The following RBFOX1 variants were observed in gnomAD, a reference collection of about 807,000 sequenced individuals.
RBFOX1 encodes the protein RNA binding fox-1 homolog 1, also known as RNA binding protein fox-1 homolog 1.
RBFOX1 carries 8 observed loss-of-function variants against 57.7 expected under a neutral mutation model. That is an observed-to-expected ratio of 0.14 (90% CI 0.08 to 0.25). The LOEUF (loss-of-function observed/expected upper bound fraction) is 0.25. Ranked by LOEUF, RBFOX1 falls within the 10% of genes least tolerant of loss-of-function variation. RBFOX1 has a pLI of 1.00. For missense variants in RBFOX1, 611 were observed against 548.5 expected, an observed-to-expected ratio of 1.11 and a Z score of -1.14; for synonymous variants, 326 against 222.4, an observed-to-expected ratio of 1.47 and a Z score of -4.15.
chr16:5,387,820 G>A (rs1158825505), intron 1 of RBFOX1, among the ~76,000 whole-genome samples: 3 of 152,196 alleles, frequency 2.0e-5, no homozygotes, highest in Non-Finnish European at 4.4e-5. Flanking sequence ...CTGACCTTGA[G>A]ATAGGAAGAG....
intron 3 of RBFOX1, among the ~76,000 whole-genome samples, chr16:6,871,756 G>A (rs959671586): frequency 6.6e-6 from 1 of 152,118 alleles, no homozygotes; most frequent in Non-Finnish European, 1.5e-5. Flanking sequence ...CATTCTTGCT[G>A]AAATTTCTAC....
intron 3 of RBFOX1, among the ~76,000 whole-genome samples, chr16:7,017,721 C>G (rs150379322): frequency 3.3e-5 from 5 of 152,210 alleles, no homozygotes; most frequent in East Asian, 3.9e-4. Flanking sequence ...TTTCTCTTCA[C>G]GTTTTCACAA....
chr16:7,287,151 A>T (rs910276276), intron 4 of RBFOX1, among the ~76,000 whole-genome samples: 1 of 152,214 alleles, frequency 6.6e-6, no homozygotes, highest in African/African-American at 2.4e-5. Context: ...TACTTAATAG[A>T]GAGAGAAGAT....
rs116129591 is a variant in RBFOX1, at chr16:5,478,827, A to T, written c.258+11573A>T. On this transcript the variant is annotated intron_variant, in intron 2 of 2. Transcript: ENST00000585867. ...AGAGAAGAGGGCATTTATAGGCCCT[A>T]CTCCCTCCCATGGGCTGCTATATTC... Among the ~76,000 whole-genome samples the T allele has an allele frequency of 8.9e-3, 1,345 of 151,868 alleles. 13 individuals carry two copies. Among genetic ancestry groups the T allele is most frequent in the African/African-American group, 0.028 (1,161 of 41,388 alleles).
At chr16:7,413,006 C>T (rs1244074296) in intron 4 of RBFOX1, among the ~76,000 whole-genome samples, 6 of 152,156 alleles carry the variant, frequency 3.9e-5, no homozygotes, top group African/African-American at 1.4e-4. Flanking sequence ...CACGCCACTG[C>T]ACTCCAGCCC....
chr16:7,011,100 A>C (rs2093633196), intron 3 of RBFOX1, among the ~76,000 whole-genome samples: 2 of 151,152 alleles, frequency 1.3e-5, no homozygotes, highest in African/African-American at 4.9e-5. Context: ...GGAAAGGGTC[A>C]CTGAAAGAAG....
intron 4 of RBFOX1, among the ~76,000 whole-genome samples, chr16:7,327,253 G>A (rs1221060070): frequency 6.6e-6 from 1 of 152,188 alleles, no homozygotes; most frequent in Admixed American, 6.5e-5. Context: ...AAGTTTAAAT[G>A]GAAAAGTGGA....
intron 1 of RBFOX1, among the ~76,000 whole-genome samples, chr16:6,176,658 A>G (rs191150421): frequency 5.0e-4 from 76 of 150,810 alleles, no homozygotes; most frequent in Middle Eastern, 3.4e-3. Flanking sequence ...TATGAGTATT[A>G]TTGTTATTAT....
intron 1 of RBFOX1, among the ~76,000 whole-genome samples, chr16:6,139,521 G>C (rs963064559): frequency 4.6e-5 from 7 of 152,070 alleles, no homozygotes; most frequent in Non-Finnish European, 7.4e-5. Flanking sequence ...CTATTACCCT[G>C]CTCAATCCCA....
chr16:5,964,295 T>C (rs1419128870), intron 4 of RBFOX1, among the ~76,000 whole-genome samples: 1 of 152,152 alleles, frequency 6.6e-6, no homozygotes, highest in Non-Finnish European at 1.5e-5. Context: ...CACTTGTTGG[T>C]GGGAATGTAA....
At chr16:6,603,039 T>C (rs527966308) in intron 2 of RBFOX1, among the ~76,000 whole-genome samples, 2 of 152,334 alleles carry the variant, frequency 1.3e-5, no homozygotes, top group East Asian at 1.9e-4. Flanking sequence ...TCAGTAAGTA[T>C]TTACTGTCAT....
intron 3 of RBFOX1, among the ~76,000 whole-genome samples, chr16:6,789,358 C>A (rs960811009): frequency 6.6e-6 from 1 of 151,960 alleles, no homozygotes; most frequent in African/African-American, 2.4e-5. Flanking sequence ...GAGATGTATT[C>A]CAGAATGTTA....
chr16:5,575,330 G>C (rs1378143007), intron 2 of RBFOX1, among the ~76,000 whole-genome samples: 1 of 152,002 alleles, frequency 6.6e-6, no homozygotes, highest in Non-Finnish European at 1.5e-5. Flanking sequence ...ATCTTCATTA[G>C]CGTCATCATC....
At chr16:5,906,666 G>A (rs1319788643) in intron 4 of RBFOX1, among the ~76,000 whole-genome samples, 2 of 151,478 alleles carry the variant, frequency 1.3e-5, no homozygotes. Context: ...CAGAGGGTTG[G>A]CTGCTGAGTG....
chr16:7,616,456 C>T (rs1357260103), intron 10 of RBFOX1, among the ~76,000 whole-genome samples: 4 of 152,238 alleles, frequency 2.6e-5, no homozygotes, highest in Non-Finnish European at 2.9e-5. Context: ...CAAACCTCAG[C>T]CCATGCTATG....
intron 5 of RBFOX1, among the ~76,000 whole-genome samples, chr16:7,523,942 C>T (rs771102031): frequency 4.6e-5 from 7 of 152,140 alleles, no homozygotes; most frequent in Non-Finnish European, 7.3e-5. Context: ...TCCTGTGGAA[C>T]GAATTTAACC....
intron 1 of RBFOX1, among the ~76,000 whole-genome samples, chr16:6,142,156 A>G (rs1160102235): frequency 1.6e-5 from 2 of 127,690 alleles, no homozygotes; most frequent in Non-Finnish European, 3.2e-5. Context: ...TTTTCTATAT[A>G]ACCCCCTTCA....
At chr16:7,227,168 G>A (rs2152890910) in intron 4 of RBFOX1, among the ~76,000 whole-genome samples, 1 of 152,182 alleles carries the variant, frequency 6.6e-6, no homozygotes, top group Admixed American at 6.5e-5. Flanking sequence ...TGTCACTCAT[G>A]TACATGGTAG....
intron 3 of RBFOX1, among the ~76,000 whole-genome samples, chr16:6,696,765 T>G (rs2061114474): frequency 6.6e-6 from 1 of 152,192 alleles, no homozygotes; most frequent in Admixed American, 6.5e-5. Flanking sequence ...TTGCTGTGCC[T>G]GTGTTTGGAG....
Sources: gnomAD v4.1 joint callset for allele counts (sites outside exome capture counted in the v4.1 genomes callset) on GRCh38, gnomAD v4.1.1 for gene constraint, MANE v1.5 for transcripts, NCBI Gene and HGNC (gene_info 2026-07-23, HGNC 2026-07-21) for gene names.